MICAL3: variants seen among roughly 807,000 people sequenced by gnomAD.
MICAL3 encodes the protein microtubule associated monooxygenase, calponin and LIM domain containing 3.
In MICAL3, 62 loss-of-function variants were observed where a neutral mutation model predicts 207.4. The observed-to-expected ratio is 0.30, with a 90% CI of 0.24 to 0.37. MICAL3 has a LOEUF of 0.37. MICAL3 is among the 10% of genes least tolerant of loss of function. The pLI, the probability that MICAL3 is intolerant of heterozygous loss-of-function variation, is 1.00. For synonymous variants in MICAL3, 1,077 were observed against 1,069.3 expected (o/e 1.01, Z -0.14); for missense variants, 2,368 against 2,635.6 (o/e 0.90, Z 2.22).
intron 1 of MICAL3, among the ~76,000 whole-genome samples, chr22:17,979,794 C>CAA (rs763234960): frequency 5.5e-5 from 7 of 126,594 alleles, no homozygotes; most frequent in Middle Eastern, 4.1e-3. Context: ...CAAAAAAAAA[C>CAA]AAAAAAAAAA....
At chr22:18,022,729 C>T (rs1924564180) in intron 1 of MICAL3, among the ~76,000 whole-genome samples, 1 of 152,008 alleles carries the variant, frequency 6.6e-6, no homozygotes, top group Admixed American at 6.6e-5. Flanking sequence ...GCGCCCAGCC[C>T]CCTCTTCTGC....
intron 7 of MICAL3, among the ~76,000 whole-genome samples, chr22:17,898,466 G>A (rs1931043848): frequency 6.6e-6 from 1 of 152,192 alleles, no homozygotes; most frequent in Non-Finnish European, 1.5e-5. Flanking sequence ...GGGGCTCTCT[G>A]CCACCGGCAC....
chr22:18,005,433 A>G (rs1324681265), intron 1 of MICAL3: 2 of 152,100 alleles, frequency 1.3e-5, no homozygotes, highest in Non-Finnish European at 2.9e-5. Context: ...CATTCTTTCC[A>G]TTGCAATTCC....
intron 1 of MICAL3, chr22:18,019,744 G>A: frequency 4.5e-6 from 1 of 221,866 alleles, no homozygotes; most frequent in East Asian, 1.2e-4. Context: ...GGGAAGCTTT[G>A]GCAGAATCTT....
intron 7 of MICAL3, among the ~76,000 whole-genome samples, chr22:17,898,101 C>T (rs535679398): frequency 1.5e-3 from 153 of 102,370 alleles, no homozygotes; most frequent in East Asian, 7.9e-3. Flanking sequence ...ATGGCCCCTG[C>T]CCTCTTAAAA....
At chr22:17,876,797 A>ATGGAGGTTAGGGAG (rs1928468373) in intron 16 of MICAL3, 1 of 39,768 alleles carries the variant, frequency 2.5e-5, no homozygotes, top group East Asian at 8.7e-4. Flanking sequence ...AGGTTAGGGA[A>ATGGAGGTTAGGGAG]GTTATGGAGG....
At chr22:17,897,704 A>T (rs1031398642) in intron 7 of MICAL3, among the ~76,000 whole-genome samples, 6 of 152,228 alleles carry the variant, frequency 3.9e-5, no homozygotes, top group African/African-American at 1.4e-4. Flanking sequence ...ATGACACCCA[A>T]AGGAAGAACT....
chr22:18,007,922 CAAAAAAAAAAA>C (rs60544257), intron 1 of MICAL3, among the ~76,000 whole-genome samples: 418 of 37,752 alleles, frequency 0.011, 6 homozygotes, highest in African/African-American at 0.031. Context: ...GACTCCATCT[CAAAAAAAAAAA>C]AAAAAAAAAA....
chr22:17,915,663 A>C (rs147238698), intron 1 of MICAL3, among the ~76,000 whole-genome samples: 30 of 152,238 alleles, frequency 2.0e-4, no homozygotes, highest in African/African-American at 6.7e-4. Context: ...CACTGCAGTC[A>C]AGGCTCAGCA....
At chr22:17,942,964 T>C (rs1304593776) in intron 1 of MICAL3, among the ~76,000 whole-genome samples, 2 of 152,248 alleles carry the variant, frequency 1.3e-5, no homozygotes, top group African/African-American at 4.8e-5. Flanking sequence ...ACACAGGCGA[T>C]GCTGAACTCA....
chr22:17,957,431 C>T (rs1038727654), intron 1 of MICAL3, among the ~76,000 whole-genome samples: 1 of 152,178 alleles, frequency 6.6e-6, no homozygotes, highest in South Asian at 2.1e-4. Flanking sequence ...GCCTTCTTTA[C>T]TGAGAGCCTG....
At chr22:17,945,903 G>A (rs1177686160) in intron 1 of MICAL3, among the ~76,000 whole-genome samples, 5 of 152,158 alleles carry the variant, frequency 3.3e-5, no homozygotes, top group Admixed American at 2.0e-4. Flanking sequence ...TGGCGGAAGG[G>A]CCATAGAAAC....
intron 19 of MICAL3, chr22:17,863,933 T>C: frequency 1.0e-6 from 1 of 985,448 alleles, no homozygotes; most frequent in Non-Finnish European, 1.2e-6. Context: ...ATACATGTGT[T>C]TTGAACAAGA....
At chr22:17,966,298 G>C (rs746514698) in intron 1 of MICAL3, among the ~76,000 whole-genome samples, 2 of 152,080 alleles carry the variant, frequency 1.3e-5, no homozygotes, top group South Asian at 2.1e-4. Flanking sequence ...CCACTCCCTC[G>C]GGCCTGGGTG....
chr22:17,809,594 C>T (rs557906832), intron 28 of MICAL3, among the ~76,000 whole-genome samples: 41 of 152,310 alleles, frequency 2.7e-4, no homozygotes, highest in African/African-American at 9.4e-4. Flanking sequence ...AGCGCCACTG[C>T]GCGTCCAGCC....
In MICAL3 at chr22:17,834,464, C is replaced by G. The variant is rs185422321; in HGVS notation, c.2802-2357G>C. ...GGCCCAGTAGCTCACATCTGTGATC[C>G]CAGCACTGTGGGAGGCTGAGGTGGG... On this transcript the variant is annotated intron_variant, in intron 20 of 31. Coordinates refer to ENST00000441493, the MANE Select transcript of MICAL3 (RefSeq NM_015241.3). 1,217 of 1,280,580 alleles carry G rather than the reference C, an allele frequency of 9.5e-4. 17 individuals carry two copies. In the Admixed American group the frequency reaches 0.026, roughly 28 times the overall value. 79.3% of individuals were successfully genotyped at this position (1,280,580 alleles called of 1,614,324 possible).
chr22:17,947,634 T>C (rs527570777), intron 1 of MICAL3, among the ~76,000 whole-genome samples: 1 of 152,208 alleles, frequency 6.6e-6, no homozygotes, highest in Non-Finnish European at 1.5e-5. Flanking sequence ...CATAGCTCAC[T>C]GTTAACCTCC....
At chr22:18,013,997 A>G (rs1197369392) in intron 1 of MICAL3, among the ~76,000 whole-genome samples, 1 of 151,886 alleles carries the variant, frequency 6.6e-6, no homozygotes, top group Non-Finnish European at 1.5e-5. Context: ...GGGTCTTACC[A>G]TGTTGCCCAG....
At chr22:17,943,902 C>T (rs1316232306) in intron 1 of MICAL3, among the ~76,000 whole-genome samples, 1 of 152,150 alleles carries the variant, frequency 6.6e-6, no homozygotes, top group Non-Finnish European at 1.5e-5. Context: ...CCTTTTTCTA[C>T]ATCAAACTAT....
Sources: allele counts gnomAD v4.1 joint callset (sites outside exome capture counted in the v4.1 genomes callset), GRCh38; gene constraint gnomAD v4.1.1; transcripts MANE v1.5; gene names NCBI Gene and HGNC (gene_info 2026-07-23, HGNC 2026-07-21).